ANO4: variants seen among roughly 807,000 people sequenced by gnomAD.
ANO4 encodes the protein anoctamin 4.
In ANO4, 69 loss-of-function variants were observed where a neutral mutation model predicts 141.9. That is an observed-to-expected ratio of 0.49 (90% CI 0.40 to 0.59). The LOEUF (loss-of-function observed/expected upper bound fraction) is 0.59. Among genes scored for constraint, ANO4 ranks in the 20% least tolerant of loss-of-function variants. The pLI, the probability that ANO4 is intolerant of heterozygous loss-of-function variation, is 0.00. For missense variants in ANO4, 894 were observed against 1,162.2 expected (o/e 0.77, Z 3.36); for synonymous variants, 350 against 394.3 (o/e 0.89, Z 1.33).
chr12:100,956,367 G>A (rs1460739242), intron 5 of ANO4, among the ~76,000 whole-genome samples: 3 of 152,164 alleles, frequency 2.0e-5, no homozygotes, highest in Non-Finnish European at 4.4e-5. Context: ...TACACATGTT[G>A]AAATTAAAAA....
chr12:101,045,534 A>C (rs1020219058), intron 13 of ANO4, among the ~76,000 whole-genome samples: 1 of 152,208 alleles, frequency 6.6e-6, no homozygotes, highest in Non-Finnish European at 1.5e-5. Context: ...GGGACTGTGG[A>C]TACACAGAAA....
At chr12:100,930,104 G>T (rs895630700) in intron 3 of ANO4, among the ~76,000 whole-genome samples, 50 of 152,158 alleles carry the variant, frequency 3.3e-4, no homozygotes, top group Admixed American at 1.8e-3. Context: ...TGGATAGTTT[G>T]CAAATATTTT....
chr12:100,850,923 GAT>G (rs1366427952), intron 1 of ANO4, among the ~76,000 whole-genome samples: 5 of 151,952 alleles, frequency 3.3e-5, no homozygotes, highest in Non-Finnish European at 5.9e-5. Context: ...ATTTTAATGA[GAT>G]ATTAATATTC....
rs1022699981 is a variant in ANO4 at position 101,001,815 on chromosome 12, T to G, written c.734+14145T>G. Among the ~76,000 whole-genome samples, 34 of 152,294 alleles carry G rather than the reference T, an allele frequency of 2.2e-4. 1 individual carries two copies. Among genetic ancestry groups the G allele is most frequent in the African/African-American group, 7.2e-4 (30 of 41,566 alleles). ...AGTGGCACTGGGGAGAAGGAGTTGT[T>G]AAACCTGTAAACTGTGAAGATGGTA... On this transcript the variant is annotated intron_variant, in intron 8 of 27. Coordinates refer to ENST00000392977, the MANE Select transcript of ANO4 (RefSeq NM_001286615.2).
At chr12:100,990,172 G>A (rs1220911307) in intron 8 of ANO4, among the ~76,000 whole-genome samples, 1 of 146,996 alleles carries the variant, frequency 6.8e-6, no homozygotes, top group Non-Finnish European at 1.5e-5. Flanking sequence ...GTAAATGGAA[G>A]AAAAAAATGA....
chr12:100,839,205 G>A (rs1272965372), intron 1 of ANO4, among the ~76,000 whole-genome samples: 3 of 152,110 alleles, frequency 2.0e-5, no homozygotes, highest in Non-Finnish European at 2.9e-5. Context: ...TTTGATTGTG[G>A]ATTTGTACCA....
chr12:100,916,924 A>G (rs373002258), intron 2 of ANO4, among the ~76,000 whole-genome samples: 2 of 151,862 alleles, frequency 1.3e-5, no homozygotes, highest in African/African-American at 4.8e-5. Context: ...TTGAGGCTGC[A>G]GTGAGCTGCG....
At chr12:100,912,678 G>A (rs112566689) in intron 2 of ANO4, among the ~76,000 whole-genome samples, 4 of 152,324 alleles carry the variant, frequency 2.6e-5, no homozygotes, top group African/African-American at 9.6e-5. Context: ...ATTGAGAAGT[G>A]TGGCTGAGGT....
At chr12:100,801,796 G>A (rs1434876708) in intron 1 of ANO4, among the ~76,000 whole-genome samples, 2 of 152,058 alleles carry the variant, frequency 1.3e-5, no homozygotes, top group East Asian at 1.9e-4. Flanking sequence ...GATGAGGAAC[G>A]TTGTGTGGGG....
At chr12:100,990,907 G>A (rs1262182286) in intron 8 of ANO4, among the ~76,000 whole-genome samples, 1 of 152,174 alleles carries the variant, frequency 6.6e-6, no homozygotes, top group African/African-American at 2.4e-5. Flanking sequence ...GGAACCACAA[G>A]TAGCCTTCTC....
At chr12:100,877,815 A>G (rs1322836083) in intron 1 of ANO4, among the ~76,000 whole-genome samples, 1 of 152,100 alleles carries the variant, frequency 6.6e-6, no homozygotes, top group Non-Finnish European at 1.5e-5. Flanking sequence ...AGATGAAGGG[A>G]CTAGGGTTCA....
chr12:100,837,228 C>G (rs1002978672), intron 1 of ANO4, among the ~76,000 whole-genome samples: 1 of 152,134 alleles, frequency 6.6e-6, no homozygotes, highest in Non-Finnish European at 1.5e-5. Context: ...CTACTCTGTA[C>G]TGGGCACAGC....
At chr12:101,069,704 G>A (rs907384590) in intron 14 of ANO4, among the ~76,000 whole-genome samples, 1 of 152,054 alleles carries the variant, frequency 6.6e-6, no homozygotes, top group Non-Finnish European at 1.5e-5. Flanking sequence ...TTACTCCCCT[G>A]GTAGTCATCT....
In ANO4 at chr12:100,838,815, A is replaced by G. The variant is rs1346952644; in HGVS notation, c.-141+43788A>G. Among the ~76,000 whole-genome samples the G allele has an allele frequency of 3.3e-5, 5 of 152,310 alleles. No individual in the cohort carries two copies. The East Asian group carries it at 9.7e-4, about 29-fold the overall frequency. Reference sequence around the variant, plus strand: ...CATTAATCCTAATATGTTGGATTGCAGAGAGACTGCAGGTAGGAAGGGCAG... The same window carrying G: ...CATTAATCCTAATATGTTGGATTGCGGAGAGACTGCAGGTAGGAAGGGCAG... On this transcript the variant is annotated intron_variant, in intron 1 of 27. Coordinates refer to ENST00000392977, the MANE Select transcript of ANO4 (RefSeq NM_001286615.2).
intron 3 of ANO4, among the ~76,000 whole-genome samples, chr12:100,933,005 G>A (rs75068346): frequency 0.037 from 5,623 of 152,054 alleles, 293 homozygotes; most frequent in African/African-American, 0.12. Flanking sequence ...ACCAATCTGT[G>A]CTGCCTAATT....
At chr12:100,960,883 G>C (rs547149898) in intron 5 of ANO4, among the ~76,000 whole-genome samples, 1 of 152,340 alleles carries the variant, frequency 6.6e-6, no homozygotes, top group African/African-American at 2.4e-5. Context: ...ATCTAGAAGA[G>C]TAGGGAAAAC....
At chr12:101,016,383 C>T (rs2046317473) in intron 8 of ANO4, among the ~76,000 whole-genome samples, 1 of 152,060 alleles carries the variant, frequency 6.6e-6, no homozygotes, top group African/African-American at 2.4e-5. Context: ...AAACAACCAG[C>T]TCTTACATAA....
At chr12:100,796,985 T>G (rs1378438529) in intron 1 of ANO4, among the ~76,000 whole-genome samples, 2 of 152,180 alleles carry the variant, frequency 1.3e-5, no homozygotes, top group African/African-American at 4.8e-5. Context: ...TTCAGAATCA[T>G]TTAGAACATA....
chr12:101,073,594 A>ATAATAATAATAG (rs2048912301), intron 14 of ANO4, among the ~76,000 whole-genome samples: 2 of 147,064 alleles, frequency 1.4e-5, no homozygotes, highest in South Asian at 2.2e-4. Context: ...AATAATAATA[A>ATAATAATAATAG]TAAAAGAAAA....
Sources: gnomAD v4.1 joint callset for allele counts (sites outside exome capture counted in the v4.1 genomes callset) on GRCh38, gnomAD v4.1.1 for gene constraint, MANE v1.5 for transcripts, NCBI Gene and HGNC (gene_info 2026-07-23, HGNC 2026-07-21) for gene names.